DDX60: variants seen among roughly 807,000 people sequenced by gnomAD.
DDX60 encodes the protein probable ATP-dependent RNA helicase DDX60.
In DDX60, 165 loss-of-function variants were observed where a neutral mutation model predicts 212.8. The ratio of observed to expected loss-of-function variants is 0.78; its 90% CI spans 0.68 to 0.88. The LOEUF is 0.88. Ranked by LOEUF, DDX60 falls within the 40% of genes least tolerant of loss-of-function variation. The probability of loss-of-function intolerance (pLI) is 0.00; values close to 1 mark genes in which losing one functional copy is unlikely to be tolerated. For synonymous variants in DDX60, 703 were observed against 685.3 expected, an observed-to-expected ratio of 1.03 and a Z score of -0.40; for missense variants, 1,905 against 2,003.9, an observed-to-expected ratio of 0.95 and a Z score of 0.94.
chr4:168,246,977 G>A (rs762019052), intron 29 of DDX60, among the ~76,000 whole-genome samples: 5 of 151,952 alleles, frequency 3.3e-5, no homozygotes, highest in African/African-American at 9.7e-5. Context: ...TTTCTCTCCC[G>A]GCCCATCTTC....
chr4:168,262,665 T>C lies in DDX60; in HGVS notation c.3144+18A>G. On this transcript the variant is annotated intron_variant, in intron 23 of 37. Transcript: ENST00000393743. ...TATCATCCTCTATAATAGGATTAAT[T>C]ACATCATTATTATTTACCTGGGCCC... The C allele has an allele frequency of 6.7e-7, 1 of 1,487,388 alleles. No individual in the cohort carries two copies. The highest frequency in any genetic ancestry group is 1.7e-5 in the Admixed American group (1 of 59,168). 92.1% of individuals were successfully genotyped at this position (1,487,388 alleles called of 1,614,324 possible).
chr4:168,254,773 T>C lies in DDX60; in HGVS notation c.3557+938A>G, dbSNP rs528438492. Among the ~76,000 whole-genome samples, 4 of 151,850 alleles carry C rather than the reference T, an allele frequency of 2.6e-5. No homozygotes were observed. In the East Asian group the frequency reaches 7.8e-4, roughly 30 times the overall value. Reference sequence around the variant, plus strand: ...AGATGAGATACCAAAAAGGGAGCAATCAGGAAGGAGGGCACTCAAGGCAGA... The same window carrying C: ...AGATGAGATACCAAAAAGGGAGCAACCAGGAAGGAGGGCACTCAAGGCAGA... On this transcript the variant is annotated intron_variant, in intron 26 of 37. Transcript: ENST00000393743.
chr4:168,221,388 G>A (rs1733045046), intron 36 of DDX60, among the ~76,000 whole-genome samples: 1 of 152,118 alleles, frequency 6.6e-6, no homozygotes, highest in Admixed American at 6.6e-5. Flanking sequence ...GCCATTATTT[G>A]TTATTCAGTT....
chr4:168,230,589 T>C (rs1733416922), intron 33 of DDX60, among the ~76,000 whole-genome samples: 1 of 152,160 alleles, frequency 6.6e-6, no homozygotes, highest in Non-Finnish European at 1.5e-5. Flanking sequence ...TGAATGATTA[T>C]TGGGTCAACA....
In DDX60 at chr4:168,252,555, A is replaced by G; in HGVS notation, c.3659T>C (p.Ile1220Thr). The G allele has an allele frequency of 1.2e-6, 2 of 1,613,936 alleles. No homozygotes were observed. Among genetic ancestry groups the G allele is most frequent in the East Asian group, 2.2e-5 (1 of 44,850 alleles). ...ATCAGCATATGTGCAGTCCTGTGGGATTTCCAGGTTCTTCTCTAGACACTT... is the reference window on the plus strand; with the variant it reads ...ATCAGCATATGTGCAGTCCTGTGGGGTTTCCAGGTTCTTCTCTAGACACTT... ...LVKCLEKNLE[I>T]PQDCTYADQK... The change falls in exon 27 of 38, where the codon ATC becomes ACC. Residue 1220 changes from isoleucine to threonine, a missense_variant. Coordinates refer to ENST00000393743, the MANE Select transcript of DDX60 (RefSeq NM_017631.6).
chr4:168,253,324 G>C (rs1010503460), intron 26 of DDX60, among the ~76,000 whole-genome samples: 7 of 152,066 alleles, frequency 4.6e-5, no homozygotes, highest in African/African-American at 1.7e-4. Context: ...TCATGACCCT[G>C]GGCTTGGATG....
At chr4:168,240,928 C>T (rs1241272716) in intron 30 of DDX60, among the ~76,000 whole-genome samples, 1 of 152,186 alleles carries the variant, frequency 6.6e-6, no homozygotes, top group African/African-American at 2.4e-5. Flanking sequence ...ACCCAAATCT[C>T]ATCTTGAATT....
At position 168,217,009 on chromosome 4, in the gene DDX60, T is replaced by C; in HGVS notation, c.5063A>G (p.Glu1688Gly). The part of the protein sequence containing the change: ...SISVSLRELC[E>G]NEDDNVVLAF... Reference sequence around the variant, plus strand: ...TAAGACAACGTTGTCGTCTTCATTTTCACATAGCTCACGCAAGGAAACACT... The same window carrying C: ...TAAGACAACGTTGTCGTCTTCATTTCCACATAGCTCACGCAAGGAAACACT... Residue 1688 changes from glutamate to glycine, a missense_variant, in exon 38 of 38, where the codon GAA (glutamate) becomes GGA (glycine). Transcript: ENST00000393743. 1 of 1,606,258 alleles carries C rather than the reference T, an allele frequency of 6.2e-7. No homozygotes were observed.
At position 168,221,890 on chromosome 4, in the gene DDX60, A is replaced by T; in HGVS notation, c.4825-9T>A. The T allele has an allele frequency of 1.2e-6, 2 of 1,606,560 alleles. No homozygotes were observed. Among genetic ancestry groups the T allele is most frequent in the Non-Finnish European group, 1.7e-6 (2 of 1,174,812 alleles). On this transcript the variant is annotated splice_polypyrimidine_tract_variant and intron_variant, in intron 35 of 37. Transcript: ENST00000393743. Reference sequence around the variant, plus strand: ...ATTGTGCCTAGAGTAACCTGAAAAAATACGATTATTCTTAATGTATTATTT... The same window carrying T: ...ATTGTGCCTAGAGTAACCTGAAAAATTACGATTATTCTTAATGTATTATTT...
chr4:168,300,961 G>C (rs1035626716), intron 6 of DDX60, among the ~76,000 whole-genome samples: 1 of 152,170 alleles, frequency 6.6e-6, no homozygotes, highest in Admixed American at 6.5e-5. Flanking sequence ...GGGTGAGTCA[G>C]GGGGAGTGAT....
intron 12 of DDX60, among the ~76,000 whole-genome samples, chr4:168,284,510 T>G (rs1464075017): frequency 6.6e-6 from 1 of 152,158 alleles, no homozygotes; most frequent in Non-Finnish European, 1.5e-5. Flanking sequence ...TTAAAATTGC[T>G]TGAAAGACTA....
chr4:168,225,233 T>G (rs1490344138), intron 34 of DDX60, among the ~76,000 whole-genome samples: 1 of 151,918 alleles, frequency 6.6e-6, no homozygotes, highest in Non-Finnish European at 1.5e-5. Flanking sequence ...CAAGAGAGAG[T>G]GACAGAATTC....
In DDX60 at chr4:168,311,377, G is replaced by T; in HGVS notation, c.-106-12C>A. ...TGAAAATGGCAGTCCTGCAAAAAAAGAAAAGAAAATGAGTCTTTATTCAAC... is the reference window on the plus strand; with the variant it reads ...TGAAAATGGCAGTCCTGCAAAAAAATAAAAGAAAATGAGTCTTTATTCAAC... On this transcript the variant is annotated splice_polypyrimidine_tract_variant and intron_variant, in intron 1 of 37. Transcript: ENST00000393743. 2 of 1,070,568 alleles carry T rather than the reference G, an allele frequency of 1.9e-6. No homozygotes were observed. The highest frequency in any genetic ancestry group is 1.5e-5 in the South Asian group (1 of 68,334). 66.3% of individuals were successfully genotyped at this position (1,070,568 alleles called of 1,614,324 possible). A position where few individuals can be genotyped will look rare whatever the true frequency, so the allele number is the denominator to read the frequency against.
At position 168,261,986 on chromosome 4, in the gene DDX60, C is replaced by A; in HGVS notation, c.3273+14G>T. 1 of 1,579,282 alleles carries A rather than the reference C, an allele frequency of 6.3e-7. No homozygotes were observed. Among genetic ancestry groups the A allele is most frequent in the East Asian group, 2.4e-5 (1 of 42,494 alleles). On this transcript the variant is annotated intron_variant, in intron 24 of 37. Transcript: ENST00000393743. The stretch of plus-strand genomic sequence containing the variant: ...ACAAAAATAAAGTTTGGCCAAAAAG[C>A]GTATGAAAATTACCTGCTCTACGTT...
chr4:168,292,296 C>A (rs1348429487), intron 7 of DDX60, among the ~76,000 whole-genome samples: 1 of 152,002 alleles, frequency 6.6e-6, no homozygotes, highest in Non-Finnish European at 1.5e-5. Context: ...CCACCTGCCT[C>A]GGCCTCCCAA....
intron 3 of DDX60, among the ~76,000 whole-genome samples, chr4:168,309,578 G>A (rs950310188): frequency 7.2e-5 from 11 of 151,990 alleles, no homozygotes; most frequent in Admixed American, 3.9e-4. Context: ...CAAATTTATA[G>A]ACTCTAATAT....
At chr4:168,290,328 C>CTTTTTTTT (rs547452038) in intron 8 of DDX60, among the ~76,000 whole-genome samples, 1 of 124,260 alleles carries the variant, frequency 8.0e-6, no homozygotes, top group African/African-American at 3.2e-5. Flanking sequence ...CTTTTCTTTT[C>CTTTTTTTT]TTTTTTTTTT....
intron 9 of DDX60, 91 bp from the exon 10 acceptor site, chr4:168,287,294 C>A: frequency 8.2e-7 from 1 of 1,219,180 alleles, no homozygotes; most frequent in Admixed American, 2.3e-5. Flanking sequence ...TCATGGAATT[C>A]TGAAATACTT....
At chr4:168,303,760 G>T (rs1736752602) in intron 5 of DDX60, among the ~76,000 whole-genome samples, 2 of 152,202 alleles carry the variant, frequency 1.3e-5, no homozygotes, top group Non-Finnish European at 1.5e-5. Context: ...AAGACGGGCA[G>T]ATCATGAGGT....
Sources: gnomAD v4.1 joint callset for allele counts (sites outside exome capture counted in the v4.1 genomes callset) on GRCh38, gnomAD v4.1.1 for gene constraint, MANE v1.5 for transcripts, NCBI Gene and HGNC (gene_info 2026-07-23, HGNC 2026-07-21) for gene names.